C11orf65: variants seen among roughly 807,000 people sequenced by gnomAD.
C11orf65 encodes chromosome 11 open reading frame 65.
A neutral mutation model predicts 35.3 loss-of-function variants in C11orf65; 38 were observed. The observed-to-expected ratio is 1.08, with a 90% CI of 0.83 to 1.41. The LOEUF is 1.41. Among genes scored for constraint, C11orf65 ranks in the 40% most tolerant of loss-of-function variants. The pLI is 0.00. For synonymous variants in C11orf65, 105 were observed against 114.4 expected (o/e 0.92, Z 0.53); for missense variants, 370 against 367.1 (o/e 1.01, Z -0.06).
Position 108,406,779 on chromosome 11 carries a change from C to T in C11orf65, c.413G>A (p.Arg138Lys). 1 of 1,602,698 alleles carries T rather than the reference C, an allele frequency of 6.2e-7. No homozygotes were observed. The highest frequency in any genetic ancestry group is 1.1e-5 in the South Asian group (1 of 89,222). The change falls in exon 5 of 9, where the codon AGG (arginine) becomes AAG (lysine). Residue 138 changes from arginine (R) to lysine (K), a missense_variant. Coordinates refer to ENST00000393084, the MANE Select transcript of C11orf65 (RefSeq NM_152587.5). ...WYHRIENNGW[R>K]PVSDTFWLST... is the part of the protein sequence containing the mutation. ...TTTTCTTACTGTATCAGAAACTGGC[C>T]TCCAGCCATTGTTTTCTATACGATG... is the stretch of plus-strand genomic sequence containing the variant.
Position 108,416,052 on chromosome 11 carries a change from T to C in C11orf65, c.175-8903A>G, listed in dbSNP as rs573102162. 1.0e-3 allele frequency among the ~76,000 whole-genome samples: 156 copies of C among 152,278 alleles called. 6 individuals carry two copies. The South Asian group carries it at 0.032, about 31-fold the overall frequency. ...AACATAGGAGGAAATCTAGGTGAGCTTGGGTTTGGTGATGACTTTTTAGAT... is the reference window on the plus strand; with the variant it reads ...AACATAGGAGGAAATCTAGGTGAGCCTGGGTTTGGTGATGACTTTTTAGAT... On this transcript the variant is annotated intron_variant, in intron 3 of 8. Transcript: ENST00000393084.
In C11orf65 at chr11:108,449,383, C is replaced by G. The variant is rs534136991; in HGVS notation, c.81+12096G>C. On this transcript the variant is annotated intron_variant, in intron 2 of 8. Transcript: ENST00000393084. Reference sequence around the variant, plus strand: ...AGGCATCACACTACCTGACTTCAAACTATACTACAAGGCTACAGTAACCAA... The same window carrying G: ...AGGCATCACACTACCTGACTTCAAAGTATACTACAAGGCTACAGTAACCAA... Among the ~76,000 whole-genome samples the G allele has an allele frequency of 2.5e-4, 38 of 152,066 alleles. No individual in the cohort carries two copies. In the East Asian group the frequency reaches 5.8e-3, roughly 23 times the overall value.
At chr11:108,464,358 G>A (rs563101098) in intron 1 of C11orf65, among the ~76,000 whole-genome samples, 21 of 151,580 alleles carry the variant, frequency 1.4e-4, no homozygotes, top group South Asian at 6.3e-4. Flanking sequence ...ATGCAGTGGA[G>A]CGATTTTGGT....
chr11:108,446,089 A>G (rs1156241410), intron 2 of C11orf65, among the ~76,000 whole-genome samples: 1 of 152,184 alleles, frequency 6.6e-6, no homozygotes, highest in Non-Finnish European at 1.5e-5. Flanking sequence ...AGAAAAAAGA[A>G]TAAAAAGAAA....
At chr11:108,432,560 G>T (rs1431927147) in intron 2 of C11orf65, among the ~76,000 whole-genome samples, 1 of 151,934 alleles carries the variant, frequency 6.6e-6, no homozygotes, top group Non-Finnish European at 1.5e-5. Context: ...TATTTCTTTG[G>T]TAACTCTCCC....
intron 2 of C11orf65, among the ~76,000 whole-genome samples, chr11:108,433,460 G>A (rs2093021016): frequency 6.6e-6 from 1 of 152,008 alleles, no homozygotes; most frequent in Admixed American, 6.6e-5. Flanking sequence ...GGCGCCTGCA[G>A]TCCCAGCTAC....
intron 3 of C11orf65, among the ~76,000 whole-genome samples, chr11:108,423,487 G>T (rs2092851580): frequency 6.6e-6 from 1 of 152,168 alleles, no homozygotes; most frequent in Non-Finnish European, 1.5e-5. Context: ...TGTAGCTTCA[G>T]CAGACTTAAA....
At chr11:108,343,152 T>C (rs1490573706) in intron 2 of C11orf65, 6 of 1,589,256 alleles carry the variant, frequency 3.8e-6, no homozygotes, top group Non-Finnish European at 5.2e-6. Context: ...CTGACTCTGA[T>C]AGCTGAATGA....
At chr11:108,410,352 T>C (rs1254477520) in intron 3 of C11orf65, among the ~76,000 whole-genome samples, 2 of 152,206 alleles carry the variant, frequency 1.3e-5, no homozygotes, top group African/African-American at 4.8e-5. Context: ...TCAGTCATGC[T>C]AGTAGTTTAT....
intron 2 of C11orf65, among the ~76,000 whole-genome samples, chr11:108,345,213 A>C (rs996283991): frequency 6.6e-6 from 1 of 152,340 alleles, no homozygotes; most frequent in South Asian, 2.1e-4. Context: ...GCTAAAGCTT[A>C]ATAAAGATAT....
chr11:108,387,275 C>G (rs1164713911), intron 7 of C11orf65, among the ~76,000 whole-genome samples: 1 of 150,364 alleles, frequency 6.7e-6, no homozygotes, highest in East Asian at 2.0e-4. Flanking sequence ...CTGCCTCAGC[C>G]TCCCAAGTAG....
At chr11:108,385,209 T>C (rs2091962585) in intron 8 of C11orf65, among the ~76,000 whole-genome samples, 1 of 152,118 alleles carries the variant, frequency 6.6e-6, no homozygotes, top group Non-Finnish European at 1.5e-5. Flanking sequence ...GTATCTGAGA[T>C]TACAGACATC....
intron 2 of C11orf65, among the ~76,000 whole-genome samples, chr11:108,362,879 G>A (rs1481451414): frequency 6.6e-6 from 1 of 151,620 alleles, no homozygotes; most frequent in Non-Finnish European, 1.5e-5. Flanking sequence ...CAGCGCACCA[G>A]CATGGCATAT....
chr11:108,425,789 C>T lies in C11orf65; in HGVS notation c.174+5957G>A, dbSNP rs563065124. Among the ~76,000 whole-genome samples, 5 of 152,232 alleles carry T rather than the reference C, an allele frequency of 3.3e-5. No individual in the cohort carries two copies. In the East Asian group the frequency reaches 7.7e-4, roughly 23 times the overall value. On this transcript the variant is annotated intron_variant, in intron 3 of 8. Coordinates refer to ENST00000393084, the MANE Select transcript of C11orf65 (RefSeq NM_152587.5). ...CCGAATCTAGCAGCACATCAAAAAG[C>T]GTATCCACCACGATCAAGTCGGCTT...
intron 2 of C11orf65, chr11:108,365,567 T>C (rs557294551): frequency 2.6e-6 from 4 of 1,555,294 alleles, no homozygotes; most frequent in Admixed American, 1.9e-5. Flanking sequence ...TTAGCCTTTA[T>C]TTTTAACCTG....
intron 3 of C11orf65, among the ~76,000 whole-genome samples, chr11:108,412,376 T>A (rs1168766254): frequency 6.6e-6 from 1 of 151,450 alleles, no homozygotes; most frequent in Non-Finnish European, 1.5e-5. Context: ...TTGAACTATA[T>A]CAATAACTTT....
chr11:108,331,730 C>T (rs903122139), intron 3 of C11orf65: 10 of 1,275,006 alleles, frequency 7.8e-6, no homozygotes, highest in Non-Finnish European at 9.7e-6. Context: ...CCTCATAGGC[C>T]TCTGCCTTTT....
chr11:108,429,119 C>T (rs769861524), intron 3 of C11orf65, among the ~76,000 whole-genome samples: 1 of 151,810 alleles, frequency 6.6e-6, no homozygotes, highest in African/African-American at 2.4e-5. Context: ...TATGCTCCAG[C>T]CTGGGAGACA....
intron 6 of C11orf65, among the ~76,000 whole-genome samples, chr11:108,394,435 A>T (rs2092256716): frequency 6.6e-6 from 1 of 152,164 alleles, no homozygotes; most frequent in Non-Finnish European, 1.5e-5. Context: ...GAAATTGTTC[A>T]AGATCATGTA....
Sources: allele counts gnomAD v4.1 joint callset (sites outside exome capture counted in the v4.1 genomes callset), GRCh38; gene constraint gnomAD v4.1.1; transcripts MANE v1.5; gene names NCBI Gene and HGNC (gene_info 2026-07-23, HGNC 2026-07-21).